Variants in GLRB observed in about 807,000 individuals in gnomAD.
The protein encoded by GLRB is glycine receptor beta.
Under a neutral mutation model 54.2 loss-of-function variants are expected in GLRB, and 33 were observed. The ratio of observed to expected loss-of-function variants is 0.61; its 90% CI spans 0.46 to 0.81. The LOEUF is 0.81. GLRB is among the 40% of genes least tolerant of loss of function. The probability of loss-of-function intolerance (pLI) is 0.00; values close to 1 mark genes in which losing one functional copy is unlikely to be tolerated. For synonymous variants in GLRB, 209 were observed against 208.2 expected (o/e 1.00, Z -0.03); for missense variants, 572 against 584.6 (o/e 0.98, Z 0.22).
At position 157,136,646 on chromosome 4, in the gene GLRB, G is replaced by A. The variant is rs568062230; in HGVS notation, c.475G>A (p.Glu159Lys). Reference sequence around the variant, plus strand: ...TGCCAATTTTCATGATGTGACCCAGGAAAACATCCTCCTCTTTATTTTTCG... The same window carrying A: ...TGCCAATTTTCATGATGTGACCCAGAAAAACATCCTCCTCTTTATTTTTCG... ...KSANFHDVTQENILLFIFRDG... is the reference protein window; with the variant it reads ...KSANFHDVTQKNILLFIFRDG... The change falls in exon 5 of 10, where the codon GAA becomes AAA. Residue 159 changes from glutamate to lysine, a missense_variant. Transcript: ENST00000264428. 6.2e-7 allele frequency: 1 copy of A among 1,613,264 alleles called. No individual in the cohort carries two copies. The highest frequency in any genetic ancestry group is 8.5e-7 in the Non-Finnish European group (1 of 1,179,304).
At chr4:157,146,357 G>T (rs1560968675) in intron 8 of GLRB, among the ~76,000 whole-genome samples, 1 of 152,204 alleles carries the variant, frequency 6.6e-6, no homozygotes. Flanking sequence ...GTCGCTAAAG[G>T]CTTTTACACA....
intron 8 of GLRB, among the ~76,000 whole-genome samples, chr4:157,146,024 C>CT (rs547388421): frequency 0.036 from 5,246 of 143,970 alleles, 109 homozygotes; most frequent in Middle Eastern, 0.11. Context: ...TGATTTTGAG[C>CT]TTTTTTTTTT....
At chr4:157,112,740 C>A (rs1735468196) in intron 2 of GLRB, among the ~76,000 whole-genome samples, 1 of 151,790 alleles carries the variant, frequency 6.6e-6, no homozygotes, top group Non-Finnish European at 1.5e-5. Flanking sequence ...CTTCATATAC[C>A]CCTATCAAAG....
At chr4:157,077,957 T>C in intron 1 of GLRB, 39 bp from the exon 2 acceptor site, 1 of 1,362,768 alleles carries the variant, frequency 7.3e-7, no homozygotes, top group Non-Finnish European at 1.0e-6. Flanking sequence ...GTTATCATTT[T>C]CTTCATAAAT....
chr4:157,141,609 A>G (rs905774357), intron 7 of GLRB, among the ~76,000 whole-genome samples: 1 of 152,028 alleles, frequency 6.6e-6, no homozygotes, highest in Non-Finnish European at 1.5e-5. Flanking sequence ...ATAAAACTTC[A>G]CAGGAAATAG....
Position 157,149,478 on chromosome 4 carries a change from T to C in GLRB, c.905-3240T>C, listed in dbSNP as rs148121729. On this transcript the variant is annotated intron_variant, in intron 8 of 9. Coordinates refer to ENST00000264428, the MANE Select transcript of GLRB (RefSeq NM_000824.5). ...TTTTCTGTTACACAAAATACTTTAG[T>C]TTCTGCTAAAGGGAATACTTTTTTT... 4.9e-3 allele frequency among the ~76,000 whole-genome samples: 742 copies of C among 152,214 alleles called. 9 individuals carry two copies. Among genetic ancestry groups the C allele is most frequent in the African/African-American group, 0.017 (697 of 41,554 alleles).
chr4:157,142,120 A>G (rs545390707), intron 7 of GLRB, among the ~76,000 whole-genome samples: 3 of 152,232 alleles, frequency 2.0e-5, no homozygotes, highest in East Asian at 1.9e-4. Flanking sequence ...AATTGTAGCA[A>G]TTGTACTTAT....
intron 9 of GLRB, among the ~76,000 whole-genome samples, chr4:157,166,285 G>A (rs1737704159): frequency 6.6e-6 from 1 of 151,954 alleles, no homozygotes; most frequent in Non-Finnish European, 1.5e-5. Context: ...GGTTAATATA[G>A]CCAAATTCGC....
At chr4:157,094,883 CAT>C (rs147816039) in intron 2 of GLRB, among the ~76,000 whole-genome samples, 6,872 of 152,192 alleles carry the variant, frequency 0.045, 178 homozygotes, top group South Asian at 0.11. Flanking sequence ...GAAATGTGTA[CAT>C]GTTTACCAAA....
rs750641214 is a variant in GLRB at position 157,122,409 on chromosome 4, A to G, written c.297+12A>G. On this transcript the variant is annotated intron_variant, in intron 4 of 9. Transcript: ENST00000264428. ...AAGAAACAACAATGGTAAGATTGCA[A>G]TTAATTTAATATTTTGTCAAATATT... is the stretch of plus-strand genomic sequence containing the variant. 6 of 980,846 alleles carry G rather than the reference A, an allele frequency of 6.1e-6. No individual in the cohort carries two copies. The highest frequency in any genetic ancestry group is 5.9e-5 in the South Asian group (4 of 67,868). The allele number at this position is 980,846 out of a possible 1,614,324, so 60.8% of individuals were successfully genotyped here.
At chr4:157,156,032 T>C (rs1363586887) in intron 9 of GLRB, among the ~76,000 whole-genome samples, 2 of 152,320 alleles carry the variant, frequency 1.3e-5, no homozygotes, top group East Asian at 3.9e-4. Context: ...GTATAAAATG[T>C]GAAACTTGGA....
At chr4:157,138,470 G>T (rs148088470) in intron 6 of GLRB, among the ~76,000 whole-genome samples, 1,897 of 152,258 alleles carry the variant, frequency 0.012, 20 homozygotes, top group Middle Eastern at 0.024. Flanking sequence ...CGTTCAGAAA[G>T]CTTGCATCAC....
At chr4:157,128,268 TCAA>T (rs775705705) in intron 4 of GLRB, among the ~76,000 whole-genome samples, 3 of 151,848 alleles carry the variant, frequency 2.0e-5, no homozygotes, top group Non-Finnish European at 4.4e-5. Flanking sequence ...TACATGAAAC[TCAA>T]CAATTTGTTA....
intron 4 of GLRB, among the ~76,000 whole-genome samples, chr4:157,134,867 G>T (rs1736344605): frequency 6.6e-6 from 1 of 150,778 alleles, no homozygotes; most frequent in African/African-American, 2.5e-5. Flanking sequence ...AATGCAATTG[G>T]TAGTAGAGTT....
intron 2 of GLRB, among the ~76,000 whole-genome samples, chr4:157,107,104 GC>G (rs2126497025): frequency 1.3e-5 from 2 of 152,128 alleles, no homozygotes; most frequent in East Asian, 3.9e-4. Context: ...CACAAATCAT[GC>G]CCACATAAGA....
intron 9 of GLRB, 35 bp downstream of exon 9, chr4:157,153,045 C>G (rs1480424055): frequency 1.3e-6 from 2 of 1,535,782 alleles, no homozygotes; most frequent in Non-Finnish European, 1.8e-6. Context: ...ATCATTTCCC[C>G]CAACCACTTC....
chr4:157,165,978 C>A (rs1350847557), intron 9 of GLRB, among the ~76,000 whole-genome samples: 1 of 151,870 alleles, frequency 6.6e-6, no homozygotes, highest in Non-Finnish European at 1.5e-5. Flanking sequence ...GTAGAGGATG[C>A]CATTATTGAC....
Position 157,122,310 on chromosome 4 carries a change from T to A in GLRB, c.230-20T>A, listed in dbSNP as rs1468074626. 1 of 980,840 alleles carries A rather than the reference T, an allele frequency of 1.0e-6. No homozygotes were observed. Among genetic ancestry groups the A allele is most frequent in the African/African-American group, 1.6e-5 (1 of 61,186 alleles). 60.8% of individuals were successfully genotyped at this position (980,840 alleles called of 1,614,324 possible). A position where few individuals can be genotyped will look rare whatever the true frequency, so the allele number is the denominator to read the frequency against. On this transcript the variant is annotated intron_variant, in intron 3 of 9. Transcript: ENST00000264428. Reference sequence around the variant, plus strand: ...AAGTTTTTTACAGCTAATAAATATATTCTTAATTTTTATTCATAGGCATTC... The same window carrying A: ...AAGTTTTTTACAGCTAATAAATATAATCTTAATTTTTATTCATAGGCATTC...
At chr4:157,082,439 A>G (rs969486464) in intron 2 of GLRB, among the ~76,000 whole-genome samples, 5 of 152,212 alleles carry the variant, frequency 3.3e-5, no homozygotes, top group East Asian at 1.9e-4. Flanking sequence ...AGCTCCTGGC[A>G]CAAAATATAC....
Sources: gnomAD v4.1 joint callset for allele counts (sites outside exome capture counted in the v4.1 genomes callset) on GRCh38, gnomAD v4.1.1 for gene constraint, MANE v1.5 for transcripts, NCBI Gene and HGNC (gene_info 2026-07-23, HGNC 2026-07-21) for gene names.